Variants in UNC13C observed in about 807,000 individuals in gnomAD.
UNC13C encodes the protein unc-13 homolog C, also known as protein unc-13 homolog C.
UNC13C carries 174 observed loss-of-function variants against 245.4 expected under a neutral mutation model. The ratio of observed to expected loss-of-function variants is 0.71; its 90% CI spans 0.63 to 0.80. The LOEUF (loss-of-function observed/expected upper bound fraction) is 0.80, where lower values mean the gene tolerates loss of function less well. Ranked by LOEUF, UNC13C falls within the 30% of genes least tolerant of loss-of-function variation. The probability of loss-of-function intolerance (pLI) is 0.00; values close to 1 mark genes in which losing one functional copy is unlikely to be tolerated. For synonymous variants in UNC13C, 992 were observed against 895.1 expected, an observed-to-expected ratio of 1.11 and a Z score of -1.93; for missense variants, 2,829 against 2,602.9, an observed-to-expected ratio of 1.09 and a Z score of -1.89.
At chr15:54,099,085 C>T (rs916541933) in intron 2 of UNC13C, among the ~76,000 whole-genome samples, 1 of 152,118 alleles carries the variant, frequency 6.6e-6, no homozygotes, top group African/African-American at 2.4e-5. Context: ...CAAATATGTC[C>T]AAAGATGTTG....
intron 20 of UNC13C, among the ~76,000 whole-genome samples, chr15:54,496,892 C>A (rs1258342271): frequency 6.6e-6 from 1 of 151,834 alleles, no homozygotes. Flanking sequence ...AATGGGTGCA[C>A]CAAAATCTCA....
chr15:54,599,145 C>T (rs1899258399), intron 30 of UNC13C, among the ~76,000 whole-genome samples: 2 of 151,860 alleles, frequency 1.3e-5, no homozygotes, highest in South Asian at 4.2e-4. Context: ...ATCATCATTC[C>T]CATCTGGTCA....
chr15:54,114,944 C>T (rs1400908329), intron 2 of UNC13C, among the ~76,000 whole-genome samples: 2 of 152,106 alleles, frequency 1.3e-5, no homozygotes, highest in African/African-American at 4.8e-5. Context: ...AGCATCTTTT[C>T]CTTTGTTTTT....
At position 54,620,508 on chromosome 15, in the gene UNC13C, T is replaced by C. The variant is rs561081220; in HGVS notation, c.6107-1819T>C. Among the ~76,000 whole-genome samples the C allele has an allele frequency of 9.8e-5, 15 of 152,290 alleles. No individual in the cohort carries two copies. In the East Asian group the frequency reaches 2.1e-3, roughly 22 times the overall value. ...TTTGGGATCTCCCAATCCAGGTTCA[T>C]ACTGTATTAGTTACTCGTGCTGCGA... On this transcript the variant is annotated intron_variant, in intron 30 of 32. Coordinates refer to ENST00000260323, the MANE Select transcript of UNC13C (RefSeq NM_001080534.3).
the UNC13C span, among the ~76,000 whole-genome samples, chr15:53,842,293 G>T: frequency 6.6e-6 from 1 of 152,078 alleles, no homozygotes; most frequent in Non-Finnish European, 1.5e-5. Flanking sequence ...AATTTATGTT[G>T]TTGAAAAGAT....
At chr15:53,900,199 A>AT in the UNC13C span, among the ~76,000 whole-genome samples, 1 of 139,712 alleles carries the variant, frequency 7.2e-6, no homozygotes, top group African/African-American at 2.7e-5. Flanking sequence ...AAGGAATTAT[A>AT]ATTTTTTAGT....
intron 2 of UNC13C, among the ~76,000 whole-genome samples, chr15:54,105,987 T>C (rs1027708739): frequency 2.6e-5 from 4 of 152,316 alleles, no homozygotes; most frequent in African/African-American, 9.6e-5. Context: ...AGAGTGGAAA[T>C]GATCACTAGG....
chr15:54,284,951 CTT>C (rs1178209847), intron 10 of UNC13C, among the ~76,000 whole-genome samples: 1 of 151,992 alleles, frequency 6.6e-6, no homozygotes, highest in East Asian at 1.9e-4. Flanking sequence ...TAATACAAGA[CTT>C]TGAAAGATTT....
intron 27 of UNC13C, 81 bp downstream of exon 27, chr15:54,546,926 A>C: frequency 8.0e-7 from 1 of 1,246,332 alleles, no homozygotes; most frequent in Non-Finnish European, 1.1e-6. Flanking sequence ...CAGATGAAAT[A>C]CTAATTAAAT....
intron 1 of UNC13C, among the ~76,000 whole-genome samples, chr15:53,999,785 G>C (rs1035731135): frequency 7.9e-5 from 12 of 151,880 alleles, no homozygotes; most frequent in African/African-American, 2.9e-4. Context: ...GGGGGGTTTT[G>C]ACCCATGGAT....
At chr15:54,022,051 C>T (rs181755457) in intron 2 of UNC13C, among the ~76,000 whole-genome samples, 1 of 152,128 alleles carries the variant, frequency 6.6e-6, no homozygotes, top group Non-Finnish European at 1.5e-5. Flanking sequence ...TGACTCATTT[C>T]TCAGAACATA....
intron 23 of UNC13C, among the ~76,000 whole-genome samples, chr15:54,509,364 A>G (rs898830131): frequency 6.6e-6 from 1 of 152,222 alleles, no homozygotes; most frequent in African/African-American, 2.4e-5. Flanking sequence ...TTAATTTCAC[A>G]TTCCAAAATA....
At chr15:54,016,596 A>G (rs1451265291) in intron 2 of UNC13C, among the ~76,000 whole-genome samples, 18 of 151,934 alleles carry the variant, frequency 1.2e-4, no homozygotes, top group Non-Finnish European at 1.0e-4. Context: ...AAATGAGAAG[A>G]GTACCTTAAC....
At chr15:54,324,923 A>G (rs2140984637) in intron 14 of UNC13C, among the ~76,000 whole-genome samples, 1 of 152,056 alleles carries the variant, frequency 6.6e-6, no homozygotes, top group East Asian at 1.9e-4. Flanking sequence ...ATAGCCCAAT[A>G]CAAATTCGTA....
At chr15:54,244,321 A>C (rs949675134) in intron 7 of UNC13C, among the ~76,000 whole-genome samples, 1 of 152,034 alleles carries the variant, frequency 6.6e-6, no homozygotes, top group Non-Finnish European at 1.5e-5. Context: ...ATTCCATTTC[A>C]TTAGTCTATG....
At position 54,014,166 on chromosome 15, in the gene UNC13C, A is replaced by G. The variant is rs1378000693; in HGVS notation, c.1263A>G (p.Ile421Met). The change falls in exon 2 of 33, where the codon ATA (isoleucine) becomes ATG (methionine). Residue 421 changes from isoleucine (I) to methionine (M), a missense_variant. By Grantham distance (10) the Ile-to-Met change is conservative. Transcript: ENST00000260323. ...HDIRERKEKG[I>M]PSSQTYESMA... ...TCAGAGAAAGAAAAGAGAAAGGGAT[A>G]CCATCCTCCCAGACATATGAGAGCA... 3 of 1,613,878 alleles carry G rather than the reference A, an allele frequency of 1.9e-6. No individual in the cohort carries two copies. In the South Asian group the frequency reaches 3.3e-5, roughly 18 times the overall value.
intron 30 of UNC13C, among the ~76,000 whole-genome samples, chr15:54,597,440 T>C (rs889890607): frequency 1.3e-5 from 2 of 152,154 alleles, no homozygotes; most frequent in Non-Finnish European, 1.5e-5. Flanking sequence ...TTTCTGTGCA[T>C]GTAAGGGGTT....
the UNC13C span, among the ~76,000 whole-genome samples, chr15:53,922,655 G>A: frequency 1.3e-5 from 2 of 152,118 alleles, no homozygotes; most frequent in Non-Finnish European, 2.9e-5. Flanking sequence ...TCTGACCTCA[G>A]AGTACCATGC....
intron 2 of UNC13C, among the ~76,000 whole-genome samples, chr15:54,119,052 T>C (rs61309284): frequency 0.019 from 2,847 of 152,082 alleles, 69 homozygotes; most frequent in East Asian, 0.094. Context: ...TTTTGTTTTT[T>C]TTTTTAAAGA....
Sources: allele counts gnomAD v4.1 joint callset (sites outside exome capture counted in the v4.1 genomes callset), GRCh38; gene constraint gnomAD v4.1.1; transcripts MANE v1.5; gene names NCBI Gene and HGNC (gene_info 2026-07-23, HGNC 2026-07-21).